The following ARAP3 variants were observed in gnomAD, a reference collection of about 807,000 sequenced individuals.
ARAP3 encodes the protein arf-GAP with Rho-GAP domain, ANK repeat and PH domain-containing protein 3.
A neutral mutation model predicts 169.2 loss-of-function variants in ARAP3; 82 were observed. That is an observed-to-expected ratio of 0.48 (90% confidence interval 0.41 to 0.58). ARAP3 has a LOEUF of 0.58. Ranked by LOEUF, ARAP3 falls within the 20% of genes least tolerant of loss-of-function variation. ARAP3 has a pLI of 0.00. For synonymous variants in ARAP3, 791 were observed against 800.3 expected, an observed-to-expected ratio of 0.99 and a Z score of 0.20; for missense variants, 1,764 against 2,018.0, an observed-to-expected ratio of 0.87 and a Z score of 2.41.
intron 4 of ARAP3, among the ~76,000 whole-genome samples, chr5:141,679,154 T>A (rs905595427): frequency 2.0e-5 from 3 of 152,234 alleles, no homozygotes; most frequent in Non-Finnish European, 2.9e-5. Flanking sequence ...CCGGGCATGG[T>A]GGCACGCACC....
chr5:141,672,012 T>C lies in ARAP3; in HGVS notation c.1586-32A>G, dbSNP rs2099911518. On this transcript the variant is annotated intron_variant, in intron 10 of 32. Coordinates refer to ENST00000239440, the MANE Select transcript of ARAP3 (RefSeq NM_022481.6). This position sits in a 1 kb window ranked among gnomAD's most constrained non-coding sequence, Gnocchi z 4.9. ...GGGTGTGAGGGTGTGTGAGGGTGTG[T>C]GAGGGTGTGAGGGGCATGTGGCACG... is the stretch of plus-strand genomic sequence containing the variant. 6.2e-7 allele frequency: 1 copy of C among 1,601,374 alleles called. No individual in the cohort carries two copies. The highest frequency in any genetic ancestry group is 8.6e-7 in the Non-Finnish European group (1 of 1,168,612).
intron 21 of ARAP3, among the ~76,000 whole-genome samples, chr5:141,661,461 C>G (rs564262902): frequency 1.1e-4 from 17 of 152,310 alleles, no homozygotes; most frequent in African/African-American, 4.1e-4. Context: ...CCAGAGAGAA[C>G]AAGTAACTTA....
chr5:141,679,145 C>T (rs559208067), intron 4 of ARAP3, among the ~76,000 whole-genome samples: 41 of 152,132 alleles, frequency 2.7e-4, no homozygotes, highest in African/African-American at 9.2e-4. Flanking sequence ...AAAAATTAGC[C>T]GGGCATGGTG....
intron 4 of ARAP3, among the ~76,000 whole-genome samples, chr5:141,678,590 C>T (rs138672169): frequency 0.039 from 5,938 of 151,934 alleles, 142 homozygotes; most frequent in Middle Eastern, 0.072. Context: ...CCGGTTCAAG[C>T]AATTCTCCTT....
rs2099911380 is a variant in ARAP3, at chr5:141,671,121, T to C, written c.1990+144A>G. 8.9e-7 allele frequency: 1 copy of C among 1,118,060 alleles called. No homozygotes were observed. The highest frequency in any genetic ancestry group is 1.3e-6 in the Non-Finnish European group (1 of 778,488). 69.3% of individuals were successfully genotyped at this position (1,118,060 alleles called of 1,614,324 possible). ...TCAGCTATCACATGACATCAGGAGA[T>C]AGGCCCTGGAGGATCTGAGGGTTTG... is the stretch of plus-strand genomic sequence containing the variant. On this transcript the variant is annotated intron_variant, in intron 13 of 32. Transcript: ENST00000239440. This position sits in a 1 kb window ranked among gnomAD's most constrained non-coding sequence, Gnocchi z 4.9.
chr5:141,670,121 C>T (rs1330577958), intron 14 of ARAP3, 58 bp from the exon 15 acceptor site: 3 of 1,563,958 alleles, frequency 1.9e-6, no homozygotes, highest in Admixed American at 2.3e-5. Flanking sequence ...TGTCATAGTT[C>T]CAGTTTACCA....
At chr5:141,658,245 G>A (rs1380948163) in intron 25 of ARAP3, 120 bp downstream of exon 25, 4 of 938,866 alleles carry the variant, frequency 4.3e-6, no homozygotes, top group Admixed American at 2.1e-5. Context: ...TGGATGAGTG[G>A]ATGAGTCATC....
chr5:141,656,338 G>T, intron 27 of ARAP3, 62 bp from the exon 28 acceptor site: 1 of 1,607,894 alleles, frequency 6.2e-7, no homozygotes, highest in Non-Finnish European at 8.5e-7. Context: ...ATGAGGTCAA[G>T]ACGTCATGGA....
chr5:141,655,214 C>CACACACA (rs2099909081), intron 32 of ARAP3, 148 bp downstream of exon 32: 3 of 644,064 alleles, frequency 4.7e-6, no homozygotes, highest in Admixed American at 2.6e-5. Flanking sequence ...CACACACACA[C>CACACACA]CCTGATGGCC....
chr5:141,659,864 G>A lies in ARAP3; in HGVS notation c.3182C>T (p.Pro1061Leu). The A allele has an allele frequency of 6.2e-7, 1 of 1,600,326 alleles. No homozygotes were observed. The highest frequency in any genetic ancestry group is 8.5e-7 in the Non-Finnish European group (1 of 1,174,196). The change falls in exon 22 of 33, where the codon CCC (proline) becomes CTC (leucine). Residue 1061 changes from proline (P) to leucine (L), a missense_variant. Pro to Leu is a moderately conservative substitution (Grantham distance 98). Around this residue, in one of 3 missense-constraint regions of ARAP3, gnomAD observed 1,112 missense variants for 1,285.7 expected, o/e 0.86. Transcript: ENST00000239440. Reference protein sequence around the residue: ...CTRNLALLFAPSVFQTDGRGE... With the variant: ...CTRNLALLFALSVFQTDGRGE... ...TCGCCCATCCGTCTGGAACACGCTGGGTGCAAACAGCAGAGCCAAGTTCCG... is the reference window on the plus strand; with the variant it reads ...TCGCCCATCCGTCTGGAACACGCTGAGTGCAAACAGCAGAGCCAAGTTCCG...
intron 19 of ARAP3, among the ~76,000 whole-genome samples, chr5:141,664,432 G>A (rs1019112678): frequency 1.3e-5 from 2 of 152,098 alleles, no homozygotes; most frequent in African/African-American, 4.8e-5. Flanking sequence ...AAGAATTATG[G>A]GGGCCACTTG....
intron 20 of ARAP3, 31 bp from the exon 21 acceptor site, chr5:141,661,820 G>T (rs372081061): frequency 2.7e-5 from 44 of 1,608,446 alleles, no homozygotes; most frequent in Non-Finnish European, 3.7e-5. Flanking sequence ...GGTTGGGGAG[G>T]ACCCGGGAAG....
rs766692885 is a variant in ARAP3, at chr5:141,654,342, G to C, written c.4243C>G (p.Pro1415Ala). 60 of 1,613,982 alleles carry C rather than the reference G, an allele frequency of 3.7e-5. 2 individuals are homozygous for C. In the South Asian group the frequency reaches 5.7e-4, roughly 15 times the overall value. ...EPVYEEVGAF[P>A]ELIQDTSTSF... ...GTAGAAGTGTCCTGGATCAACTCAG[G>C]GAAGGCCCCTACTTCCTCATACACT... Residue 1415 changes from proline (P) to alanine (A), a missense_variant, in exon 33 of 33, where the codon CCT becomes GCT. This residue lies in a region of ARAP3 where 1,112 missense variants were observed against 1,285.7 expected (regional missense o/e 0.86). Coordinates refer to ENST00000239440, the MANE Select transcript of ARAP3 (RefSeq NM_022481.6).
chr5:141,665,136 A>C, intron 18 of ARAP3, 51 bp from the exon 19 acceptor site: 1 of 1,579,702 alleles, frequency 6.3e-7, no homozygotes, highest in Non-Finnish European at 8.6e-7. Context: ...GCCCAGATGC[A>C]TGGGGACCAG....
chr5:141,681,473 G>A (rs1309444486), intron 1 of ARAP3, among the ~76,000 whole-genome samples: 1 of 151,882 alleles, frequency 6.6e-6, no homozygotes, highest in African/African-American at 2.4e-5. Flanking sequence ...GCCTGACCCC[G>A]ACCCTGACCC....
Position 141,667,133 on chromosome 5 carries a change from C to T in ARAP3, c.2353-490G>A, listed in dbSNP as rs549829681. ...TTTGCCATGTTGCCCAGGCTGGTCTCGAACTCCCACCTTGGCCTCCCAAAG... is the reference window on the plus strand; with the variant it reads ...TTTGCCATGTTGCCCAGGCTGGTCTTGAACTCCCACCTTGGCCTCCCAAAG... On this transcript the variant is annotated intron_variant, in intron 16 of 32. Transcript: ENST00000239440. Among the ~76,000 whole-genome samples, 164 of 152,008 alleles carry T rather than the reference C, an allele frequency of 1.1e-3. 1 individual carries two copies. The highest frequency in any genetic ancestry group is 6.8e-3 in the Middle Eastern group (2 of 294).
At chr5:141,679,912 C>A in intron 2 of ARAP3, 51 bp downstream of exon 2, 1 of 1,612,236 alleles carries the variant, frequency 6.2e-7, no homozygotes, top group South Asian at 1.1e-5. Context: ...CCCTCATGCT[C>A]TCCTCCCCAC....
Position 141,655,621 on chromosome 5 carries a change from C to T in ARAP3, c.4110G>A (p.Leu1370=). The change falls in exon 31 of 33, where the codon CTG becomes CTA. Residue 1370 remains leucine, a splice_region_variant and synonymous_variant. Transcript: ENST00000239440. ...GATLLSANQT[L]RRLHNRRTLS... ...GTTGGGGCAGGGTGGGGTGCCTTAC[C>T]AGGGTCTGATTGGCAGAGAGGAGGG... 6.2e-7 allele frequency: 1 copy of T among 1,613,970 alleles called. No individual in the cohort carries two copies. Among genetic ancestry groups the T allele is most frequent in the Non-Finnish European group, 8.5e-7 (1 of 1,179,926 alleles).
rs539893395 is a variant in ARAP3 at position 141,666,604 on chromosome 5, C to G, written c.2392G>C (p.Gly798Arg). The G allele has an allele frequency of 6.7e-7, 1 of 1,481,548 alleles. No homozygotes were observed. 91.8% of individuals were successfully genotyped at this position (1,481,548 alleles called of 1,614,324 possible). A position where few individuals can be genotyped will look rare whatever the true frequency, so the allele number is the denominator to read the frequency against. The change falls in exon 17 of 33, where the codon GGG becomes CGG. Residue 798 changes from glycine to arginine, a missense_variant. Coordinates refer to ENST00000239440, the MANE Select transcript of ARAP3 (RefSeq NM_022481.6). ...CATAGGCGGCCCAGCCGCAGCAGCC[C>G]GGGGCCCAGCAGCTGGTGGCAGCTC... ...PLSCHQLLGPGLLRLGRLWLR... is the reference protein window; with the variant it reads ...PLSCHQLLGPRLLRLGRLWLR...
Sources: allele counts gnomAD v4.1 joint callset (sites outside exome capture counted in the v4.1 genomes callset), GRCh38; gene constraint gnomAD v4.1.1; regional missense constraint gnomAD v4.1.1; non-coding constraint Gnocchi (gnomAD v3.1); transcripts MANE v1.5; gene names NCBI Gene and HGNC (gene_info 2026-07-23, HGNC 2026-07-21).